Variants in OSTF1 observed in about 807,000 individuals in gnomAD.
OSTF1 encodes the protein osteoclast-stimulating factor 1.
Under a neutral mutation model 37.2 loss-of-function variants are expected in OSTF1, and 27 were observed. That is an observed-to-expected ratio of 0.73 (90% CI 0.54 to 1.00). The LOEUF (loss-of-function observed/expected upper bound fraction) is 1.00, where lower values mean the gene tolerates loss of function less well. Among genes scored for constraint, OSTF1 ranks in the 50% least tolerant of loss-of-function variants. The probability of loss-of-function intolerance (pLI) is 0.00; values close to 1 mark genes in which losing one functional copy is unlikely to be tolerated. For missense variants in OSTF1, 232 were observed against 253.8 expected, an observed-to-expected ratio of 0.91 and a Z score of 0.58; for synonymous variants, 82 against 89.2, an observed-to-expected ratio of 0.92 and a Z score of 0.46.
chr9:75,113,534 C>T (rs1178599054), intron 1 of OSTF1, among the ~76,000 whole-genome samples: 3 of 151,838 alleles, frequency 2.0e-5, no homozygotes, highest in East Asian at 1.9e-4. Context: ...CTGCAACCTC[C>T]GCCTTCTGGG....
In OSTF1 at chr9:75,131,794, A is replaced by G; in HGVS notation, c.221A>G (p.Asp74Gly). 1 of 1,613,760 alleles carries G rather than the reference A, an allele frequency of 6.2e-7. No individual in the cohort carries two copies. Among genetic ancestry groups the G allele is most frequent in the Non-Finnish European group, 8.5e-7 (1 of 1,179,738 alleles). The stretch of plus-strand genomic sequence containing the variant: ...GTGGCTGAGCAGGCAGAATCCATTG[A>G]CAATCCATTGCATGAAGCAGCAAAA... ...NYVAEQAESIDNPLHEAAKRG... is the reference protein window; with the variant it reads ...NYVAEQAESIGNPLHEAAKRG... The change falls in exon 5 of 10, where the codon GAC becomes GGC. Residue 74 changes from aspartate (D) to glycine (G), a missense_variant. Physicochemically the swap from Asp to Gly is moderately conservative, Grantham distance 94. Coordinates refer to ENST00000346234, the MANE Select transcript of OSTF1 (RefSeq NM_012383.5).
intron 2 of OSTF1, among the ~76,000 whole-genome samples, chr9:75,122,271 G>A (rs58339332): frequency 0.062 from 9,441 of 152,220 alleles, 409 homozygotes; most frequent in African/African-American, 0.11. Flanking sequence ...ATAGAGCCAC[G>A]TGTAGAGGAA....
chr9:75,144,234 T>C (rs1825986424), intron 9 of OSTF1, among the ~76,000 whole-genome samples: 1 of 152,144 alleles, frequency 6.6e-6, no homozygotes, highest in African/African-American at 2.4e-5. Context: ...ACCTGGAGAC[T>C]TCCAGTAGCT....
In OSTF1 at chr9:75,109,217, C is replaced by T. The variant is rs546655455; in HGVS notation, c.35-8287C>T. On this transcript the variant is annotated intron_variant, in intron 1 of 9. Transcript: ENST00000346234. ...TAGTAGAGATGAGGTTTCACCGTGT[C>T]GGCCAGCTGTTCTCCAACTCCTGAT... Among the ~76,000 whole-genome samples the T allele has an allele frequency of 1.2e-4, 18 of 151,980 alleles. No individual in the cohort carries two copies. In the South Asian group the frequency reaches 1.7e-3, roughly 14 times the overall value.
chr9:75,130,700 G>T (rs1308644463), intron 4 of OSTF1, 59 bp downstream of exon 4: 1 of 1,066,680 alleles, frequency 9.4e-7, no homozygotes, highest in African/African-American at 1.6e-5. Context: ...TTTGGTTCTT[G>T]ATGCTTTTCT....
chr9:75,126,268 TATAATC>T (rs1468681763), intron 2 of OSTF1, among the ~76,000 whole-genome samples: 5 of 152,228 alleles, frequency 3.3e-5, no homozygotes, highest in African/African-American at 1.2e-4. Flanking sequence ...GAATAGTAAT[TATAATC>T]AGAAATATCA....
At chr9:75,119,740 G>A (rs1018612652) in intron 2 of OSTF1, among the ~76,000 whole-genome samples, 5 of 152,328 alleles carry the variant, frequency 3.3e-5, no homozygotes, top group African/African-American at 1.2e-4. Context: ...GCTGAGGCGG[G>A]TGGATCACGA....
intron 1 of OSTF1, among the ~76,000 whole-genome samples, chr9:75,104,683 A>G (rs1254166082): frequency 1.3e-5 from 2 of 152,232 alleles, no homozygotes; most frequent in African/African-American, 2.4e-5. Context: ...TCCCAGAATA[A>G]TGTAAAAAGG....
intron 1 of OSTF1, among the ~76,000 whole-genome samples, chr9:75,112,655 A>G (rs1825412252): frequency 6.6e-6 from 1 of 152,244 alleles, no homozygotes; most frequent in African/African-American, 2.4e-5. Flanking sequence ...TTTAAGTAAT[A>G]TGATCATGAA....
chr9:75,092,857 C>T (rs1232069864), intron 1 of OSTF1, among the ~76,000 whole-genome samples: 3 of 151,986 alleles, frequency 2.0e-5, no homozygotes, highest in African/African-American at 7.2e-5. Flanking sequence ...TCAATTCTGT[C>T]GCAGTTTGAC....
Position 75,110,988 on chromosome 9 carries a change from G to A in OSTF1, c.35-6516G>A, listed in dbSNP as rs1587449607. ...TCCACTTTGGCCTCCCAAAGTGCTG[G>A]GATTACAGGTGTGAGCCACCGTGCC... On this transcript the variant is annotated intron_variant, in intron 1 of 9. Coordinates refer to ENST00000346234, the MANE Select transcript of OSTF1 (RefSeq NM_012383.5). Among the ~76,000 whole-genome samples the A allele has an allele frequency of 2.0e-5, 3 of 151,948 alleles. No individual in the cohort carries two copies. In the South Asian group the frequency reaches 6.2e-4, roughly 32 times the overall value.
chr9:75,096,585 T>G (rs1170671481), intron 1 of OSTF1, among the ~76,000 whole-genome samples: 3 of 152,128 alleles, frequency 2.0e-5, no homozygotes, highest in Non-Finnish European at 4.4e-5. Context: ...ACTCCAGGAA[T>G]TTTGCTTGGT....
At chr9:75,098,072 A>C (rs1029294698) in intron 1 of OSTF1, among the ~76,000 whole-genome samples, 4 of 152,012 alleles carry the variant, frequency 2.6e-5, no homozygotes, top group African/African-American at 7.2e-5. Flanking sequence ...TGCTCAGGCT[A>C]GTTTCTTCAT....
At chr9:75,109,213 G>A (rs1178635349) in intron 1 of OSTF1, among the ~76,000 whole-genome samples, 2 of 151,830 alleles carry the variant, frequency 1.3e-5, no homozygotes, top group African/African-American at 2.4e-5. Flanking sequence ...AGGTTTCACC[G>A]TGTCGGCCAG....
intron 1 of OSTF1, among the ~76,000 whole-genome samples, chr9:75,100,883 G>A (rs1188100807): frequency 6.6e-6 from 1 of 152,106 alleles, no homozygotes; most frequent in African/African-American, 2.4e-5. Context: ...GGCGAGAATG[G>A]TCCTGTAATT....
intron 1 of OSTF1, among the ~76,000 whole-genome samples, chr9:75,095,473 A>T (rs960234074): frequency 2.6e-5 from 4 of 152,188 alleles, no homozygotes; most frequent in Non-Finnish European, 5.9e-5. Flanking sequence ...GAAGAGGAGT[A>T]ATCTAAGCAG....
chr9:75,126,546 T>C (rs2118557780), intron 2 of OSTF1, among the ~76,000 whole-genome samples: 1 of 152,314 alleles, frequency 6.6e-6, no homozygotes, highest in South Asian at 2.1e-4. Flanking sequence ...GTTTAAAATG[T>C]GTATCTTTAT....
chr9:75,098,353 G>C (rs1207242808), intron 1 of OSTF1, among the ~76,000 whole-genome samples: 1 of 152,154 alleles, frequency 6.6e-6, no homozygotes, highest in Non-Finnish European at 1.5e-5. Flanking sequence ...ATGAGGGTTA[G>C]GAAGGGGGCA....
chr9:75,132,998 CA>C (rs796416710), intron 5 of OSTF1, among the ~76,000 whole-genome samples: 48,171 of 110,042 alleles, frequency 0.44, 8,055 homozygotes, highest in East Asian at 0.55. Flanking sequence ...CACACACACA[CA>C]CACACACACA....
Sources: gnomAD v4.1 joint callset for allele counts (sites outside exome capture counted in the v4.1 genomes callset) on GRCh38, gnomAD v4.1.1 for gene constraint, MANE v1.5 for transcripts, NCBI Gene and HGNC (gene_info 2026-07-23, HGNC 2026-07-21) for gene names.